PKD2L1: variants seen among roughly 807,000 people sequenced by gnomAD.
PKD2L1 encodes polycystin 2 like 1, transient receptor potential cation channel.
PKD2L1 carries 77 observed loss-of-function variants against 93.0 expected under a neutral mutation model. That is an observed-to-expected ratio of 0.83 (90% confidence interval 0.69 to 1.00). The LOEUF is 1.00. Ranked by LOEUF, PKD2L1 falls within the 50% of genes least tolerant of loss-of-function variation. PKD2L1 has a pLI of 0.00. For synonymous variants in PKD2L1, 390 were observed against 388.0 expected (o/e 1.01, Z -0.06); for missense variants, 977 against 990.9 (o/e 0.99, Z 0.19).
In PKD2L1 at chr10:100,289,017, C is replaced by T; in HGVS notation, c.2290G>A (p.Ala764Thr). ...AIWKHPQPAPAVTPDPWGVQG... is the reference protein window; with the variant it reads ...AIWKHPQPAPTVTPDPWGVQG... ...ACTCCCCAGGGGTCTGGGGTCACAG[C>T]TGGGGCTGGCTGCGGGTGCTTCCAA... The change falls in exon 15 of 16, where the codon GCT (alanine) becomes ACT (threonine). Residue 764 changes from alanine (A) to threonine (T), a missense_variant. By Grantham distance (58) the Ala-to-Thr change is moderately conservative. Transcript: ENST00000318222. The T allele has an allele frequency of 1.2e-6, 2 of 1,613,270 alleles. No individual in the cohort carries two copies. The highest frequency in any genetic ancestry group is 8.5e-7 in the Non-Finnish European group (1 of 1,179,448).
chr10:100,294,743 G>A (rs1035376651), intron 8 of PKD2L1, 88 bp from the exon 9 acceptor site: 37 of 1,553,646 alleles, frequency 2.4e-5, no homozygotes, highest in South Asian at 6.7e-5. Context: ...CTCACCACAC[G>A]TTCACCCCAA....
intron 4 of PKD2L1, 96 bp from the exon 5 acceptor site, chr10:100,297,702 T>TTG (rs60373525): frequency 0.072 from 43,252 of 600,938 alleles, 547 homozygotes; most frequent in South Asian, 0.14. Context: ...GGTTTACATA[T>TTG]TGTGTGTGTG....
chr10:100,326,491 A>T (rs1447364949), intron 2 of PKD2L1, among the ~76,000 whole-genome samples: 2 of 152,084 alleles, frequency 1.3e-5, no homozygotes, highest in Admixed American at 6.6e-5. Context: ...CTCCGATATC[A>T]CTTCCTCTGC....
chr10:100,310,933 G>A (rs936358293), intron 2 of PKD2L1, among the ~76,000 whole-genome samples: 1 of 152,072 alleles, frequency 6.6e-6, no homozygotes, highest in African/African-American at 2.4e-5. Context: ...CAGGTTTCAC[G>A]TTGCCCAGGC....
In PKD2L1 at chr10:100,289,053, C is replaced by G. The variant is rs536241082; in HGVS notation, c.2254G>C (p.Glu752Gln). 1 of 1,610,118 alleles carries G rather than the reference C, an allele frequency of 6.2e-7. No individual in the cohort carries two copies. Among genetic ancestry groups the G allele is most frequent in the African/African-American group, 1.3e-5 (1 of 74,904 alleles). Residue 752 changes from glutamate to glutamine, a missense_variant, in exon 15 of 16, where the codon GAA becomes CAA. By Grantham distance (29) the Glu-to-Gln change is conservative. Transcript: ENST00000318222. ...TGCGGGTGCTTCCAAATAGCTTGTT[C>G]CTTCTGTTGGAAGAAGAAAGGGACA... ...GWLAPSPGVK[E>Q]QAIWKHPQPA...
At position 100,328,186 on chromosome 10, in the gene PKD2L1, G is replaced by C. The variant is rs980606027; in HGVS notation, c.349+1025C>G. ...GAAGTAATAAACCAAATACAAAGTT[G>C]CTGTCATTACCTACAAGTCTAATAG... On this transcript the variant is annotated intron_variant, in intron 2 of 15. Coordinates refer to ENST00000318222, the MANE Select transcript of PKD2L1 (RefSeq NM_016112.3). Among the ~76,000 whole-genome samples, 4 of 152,206 alleles carry C rather than the reference G, an allele frequency of 2.6e-5. No individual in the cohort carries two copies. In the East Asian group the frequency reaches 7.7e-4, roughly 29 times the overall value.
intron 2 of PKD2L1, among the ~76,000 whole-genome samples, chr10:100,301,380 A>G (rs1378871800): frequency 2.6e-5 from 4 of 152,114 alleles, no homozygotes; most frequent in Non-Finnish European, 5.9e-5. Context: ...GGGGCACTGC[A>G]GGTGGCCAGG....
intron 2 of PKD2L1, among the ~76,000 whole-genome samples, chr10:100,301,313 G>A (rs1301414524): frequency 1.3e-5 from 2 of 152,188 alleles, no homozygotes; most frequent in Non-Finnish European, 2.9e-5. Context: ...TTCAAGAGCA[G>A]AGAACCAGTC....
chr10:100,289,840 C>T (rs1848364308), intron 14 of PKD2L1, among the ~76,000 whole-genome samples, 175 bp downstream of exon 14: 1 of 152,226 alleles, frequency 6.6e-6, no homozygotes, highest in South Asian at 2.1e-4. Flanking sequence ...CAAGCAACTT[C>T]CAGGCCTTAT....
At chr10:100,294,729 A>T in intron 8 of PKD2L1, 74 bp from the exon 9 acceptor site, 2 of 1,585,646 alleles carry the variant, frequency 1.3e-6, no homozygotes, top group Admixed American at 1.7e-5. Flanking sequence ...TCACAGAGAG[A>T]CCCCTCACCA....
intron 4 of PKD2L1, 84 bp downstream of exon 4, chr10:100,298,478 C>G (rs1000479317): frequency 4.4e-5 from 62 of 1,404,920 alleles, no homozygotes; most frequent in Non-Finnish European, 5.8e-5. Flanking sequence ...CTTTAAGCCT[C>G]AGTGGAAGTG....
At chr10:100,306,109 G>A (rs1243697039) in intron 2 of PKD2L1, among the ~76,000 whole-genome samples, 1 of 152,074 alleles carries the variant, frequency 6.6e-6, no homozygotes, top group Non-Finnish European at 1.5e-5. Flanking sequence ...GCTGCAGTGA[G>A]CCAAGATCAT....
chr10:100,309,782 C>G (rs1848889870), intron 2 of PKD2L1, among the ~76,000 whole-genome samples: 1 of 152,194 alleles, frequency 6.6e-6, no homozygotes, highest in South Asian at 2.1e-4. Flanking sequence ...CCAGAAGAGT[C>G]AGCCTTAGGA....
intron 2 of PKD2L1, among the ~76,000 whole-genome samples, chr10:100,322,134 G>A (rs778441748): frequency 2.8e-4 from 42 of 152,152 alleles, no homozygotes; most frequent in Non-Finnish European, 5.1e-4. Flanking sequence ...GCTGAGGTGG[G>A]AGGCTCACCT....
At chr10:100,314,511 C>T (rs566472712) in intron 2 of PKD2L1, among the ~76,000 whole-genome samples, 16 of 152,288 alleles carry the variant, frequency 1.1e-4, no homozygotes, top group African/African-American at 3.6e-4. Context: ...TCCTGGGCTT[C>T]TCTGCAGTGT....
rs148570260 is a variant in PKD2L1 at position 100,294,553 on chromosome 10, G to A, written c.1641C>T (p.Phe547=). The change falls in exon 9 of 16, where the codon TTC becomes TTT. Residue 547 remains phenylalanine (F), a synonymous_variant. Coordinates refer to ENST00000318222, the MANE Select transcript of PKD2L1 (RefSeq NM_016112.3). ...GPAYFVTYVF[F]VFFVLLNMFL... ...CCCTCACCAGGAGCACGAAGAAGAC[G>A]AAGAAGACATAGGTGACAAAGTAGG... The A allele has an allele frequency of 4.2e-5, 68 of 1,613,998 alleles. No homozygotes were observed. In the Middle Eastern group the frequency reaches 9.9e-4, roughly 24 times the overall value.
chr10:100,307,882 A>G (rs1848841908), intron 2 of PKD2L1, among the ~76,000 whole-genome samples: 1 of 152,200 alleles, frequency 6.6e-6, no homozygotes, highest in African/African-American at 2.4e-5. Flanking sequence ...ATACAGTAAA[A>G]GAGTGGAATT....
chr10:100,297,702 TTGTGTGTGTGTGTGTGTGTGTG>T (rs60373525), intron 4 of PKD2L1, 96 bp from the exon 5 acceptor site: 9 of 607,444 alleles, frequency 1.5e-5, no homozygotes, highest in South Asian at 8.1e-5. Context: ...GGTTTACATA[TTGTGTGTGTGTGTGTGTGTGTG>T]TGTGTGTGTG....
Position 100,290,109 on chromosome 10 carries a change from G to A in PKD2L1, c.2156C>T (p.Thr719Ile), listed in dbSNP as rs1564878482. ...CTGGGACACTACTCCTTCCAGGACA[G>A]TCTCCAGCTGCAGAACTCTCCTTGT... ...MLTRRVLQLE[T>I]VLEGVVSQID... The change falls in exon 14 of 16, where the codon ACT becomes ATT. Residue 719 changes from threonine to isoleucine, a missense_variant. By Grantham distance (89) the Thr-to-Ile change is moderately conservative. Transcript: ENST00000318222. 6.2e-7 allele frequency: 1 copy of A among 1,614,076 alleles called. No homozygotes were observed. The highest frequency in any genetic ancestry group is 1.3e-5 in the African/African-American group (1 of 75,046).
Sources: allele counts gnomAD v4.1 joint callset (sites outside exome capture counted in the v4.1 genomes callset), GRCh38; gene constraint gnomAD v4.1.1; transcripts MANE v1.5; gene names NCBI Gene and HGNC (gene_info 2026-07-23, HGNC 2026-07-21).